Variants in PIK3C2G observed in about 807,000 individuals in gnomAD.
The protein encoded by PIK3C2G is phosphatidylinositol-4-phosphate 3-kinase catalytic subunit type 2 gamma.
PIK3C2G carries 168 observed loss-of-function variants against 181.1 expected under a neutral mutation model. The ratio of observed to expected loss-of-function variants is 0.93; its 90% CI spans 0.82 to 1.05. The LOEUF (loss-of-function observed/expected upper bound fraction) is 1.05, where lower values mean the gene tolerates loss of function less well. Ranked by LOEUF, PIK3C2G falls within the 50% of genes least tolerant of loss-of-function variation. The pLI, the probability that PIK3C2G is intolerant of heterozygous loss-of-function variation, is 0.00. For synonymous variants in PIK3C2G, 573 were observed against 592.2 expected (o/e 0.97, Z 0.47); for missense variants, 1,869 against 1,732.8 (o/e 1.08, Z -1.40).
At chr12:18,527,988 GACTA>G (rs1039015139) in intron 24 of PIK3C2G, among the ~76,000 whole-genome samples, 1 of 152,080 alleles carries the variant, frequency 6.6e-6, no homozygotes, top group African/African-American at 2.4e-5. Context: ...ACACTTAAAA[GACTA>G]ACTAAGGCTG....
intron 5 of PIK3C2G, among the ~76,000 whole-genome samples, chr12:18,294,825 T>C (rs1485794887): frequency 6.6e-6 from 1 of 151,952 alleles, no homozygotes; most frequent in Non-Finnish European, 1.5e-5. Context: ...TATCTAAAGA[T>C]TGAAAACATC....
chr12:18,316,884 A>G (rs960966371), intron 6 of PIK3C2G, among the ~76,000 whole-genome samples: 1 of 152,170 alleles, frequency 6.6e-6, no homozygotes, highest in South Asian at 2.1e-4. Context: ...AGCAATAGCA[A>G]TAAGATCTCA....
At chr12:18,403,494 C>T (rs1944364730) in intron 16 of PIK3C2G, among the ~76,000 whole-genome samples, 1 of 152,090 alleles carries the variant, frequency 6.6e-6, no homozygotes, top group Admixed American at 6.6e-5. Context: ...ACAGTATGTG[C>T]TTATTAAGTG....
At chr12:18,599,389 A>G (rs1461222076) in intron 30 of PIK3C2G, among the ~76,000 whole-genome samples, 5 of 152,002 alleles carry the variant, frequency 3.3e-5, no homozygotes, top group Admixed American at 3.3e-4. Context: ...TCAGTAAACT[A>G]TCGCAAGAGC....
rs887880357 is a variant in PIK3C2G, at chr12:18,346,572, G to A, written c.1430-69G>A. 7 of 840,340 alleles carry A rather than the reference G, an allele frequency of 8.3e-6. No homozygotes were observed. In the African/African-American group the frequency reaches 8.6e-5, roughly 10 times the overall value. The allele number at this position is 840,340 out of a possible 1,614,324, so 52.1% of individuals were successfully genotyped here. A position where few individuals can be genotyped will look rare whatever the true frequency, so the allele number is the denominator to read the frequency against. ...AAATTGTATTATATGACATTTCAAA[G>A]CTGTAATTGATGGCCTATGATAAAT... On this transcript the variant is annotated intron_variant, in intron 10 of 32. Transcript: ENST00000538779.
the PIK3C2G span, chr12:18,683,740 G>A: frequency 1.4e-6 from 1 of 726,706 alleles, no homozygotes; most frequent in African/African-American, 1.8e-5. Context: ...AAAGGGGTCA[G>A]GAAAGGATAG....
chr12:18,547,179 A>G (rs1265289690), intron 26 of PIK3C2G, among the ~76,000 whole-genome samples: 2 of 152,004 alleles, frequency 1.3e-5, no homozygotes, highest in South Asian at 2.1e-4. Context: ...ATAAACAGAG[A>G]TTATATTCTT....
At chr12:18,651,702 A>G (rs922379309), downstream of PIK3C2G, among the ~76,000 whole-genome samples, 2 of 152,146 alleles carry the variant, frequency 1.3e-5, no homozygotes, top group Non-Finnish European at 2.9e-5. Flanking sequence ...CTCTAGATCC[A>G]TTCATCTGAA....
At chr12:18,596,116 A>G (rs1008611073) in intron 30 of PIK3C2G, among the ~76,000 whole-genome samples, 6 of 152,108 alleles carry the variant, frequency 3.9e-5, no homozygotes, top group African/African-American at 1.4e-4. Context: ...AAGAACAACT[A>G]TGAAGGACAC....
chr12:18,249,681 A>G (rs1034291267), intron 1 of PIK3C2G, among the ~76,000 whole-genome samples: 2 of 152,150 alleles, frequency 1.3e-5, no homozygotes, highest in Admixed American at 6.5e-5. Flanking sequence ...GTTGTATGAT[A>G]CCATTAATAT....
intron 24 of PIK3C2G, among the ~76,000 whole-genome samples, chr12:18,514,752 G>T (rs1942426773): frequency 6.6e-6 from 1 of 151,760 alleles, no homozygotes; most frequent in African/African-American, 2.4e-5. Context: ...TTGCCAAATT[G>T]CTCTGAGTAG....
the PIK3C2G span, among the ~76,000 whole-genome samples, chr12:18,726,464 T>G: frequency 6.6e-6 from 1 of 152,144 alleles, no homozygotes; most frequent in Admixed American, 6.6e-5. Flanking sequence ...AGGTAGACAT[T>G]TTATTCTTTT....
intron 16 of PIK3C2G, among the ~76,000 whole-genome samples, chr12:18,401,229 A>C (rs1020074283): frequency 6.6e-6 from 1 of 152,114 alleles, no homozygotes; most frequent in African/African-American, 2.4e-5. Context: ...GTTTAACTTT[A>C]AATTATAAGC....
chr12:18,396,582 T>C (rs867081746), intron 15 of PIK3C2G, among the ~76,000 whole-genome samples: 1 of 151,664 alleles, frequency 6.6e-6, no homozygotes, highest in Middle Eastern at 3.2e-3. Context: ...TTACATAGCA[T>C]GATTATGTAA....
At chr12:18,530,175 GA>G (rs1943472360) in intron 24 of PIK3C2G, among the ~76,000 whole-genome samples, 1 of 152,032 alleles carries the variant, frequency 6.6e-6, no homozygotes, top group Non-Finnish European at 1.5e-5. Flanking sequence ...ACTTTCTTGA[GA>G]AAAATAAAAT....
At chr12:18,466,758 G>A (rs1279571189) in intron 18 of PIK3C2G, among the ~76,000 whole-genome samples, 1 of 151,888 alleles carries the variant, frequency 6.6e-6, no homozygotes, top group Non-Finnish European at 1.5e-5. Flanking sequence ...CTTTACTTTA[G>A]CACAAACAGG....
At chr12:18,431,844 T>A (rs73068519) in intron 18 of PIK3C2G, among the ~76,000 whole-genome samples, 61 of 152,344 alleles carry the variant, frequency 4.0e-4, no homozygotes, top group Admixed American at 1.2e-3. Context: ...TAATCATCTT[T>A]CCACTTTGTT....
intron 1 of PIK3C2G, among the ~76,000 whole-genome samples, chr12:18,280,258 A>G (rs927658073): frequency 1.3e-5 from 2 of 152,014 alleles, no homozygotes; most frequent in African/African-American, 4.8e-5. Context: ...AGTAAGAAAA[A>G]CCAATAACAA....
intron 5 of PIK3C2G, among the ~76,000 whole-genome samples, chr12:18,296,515 A>G (rs1307136137): frequency 1.3e-5 from 2 of 152,154 alleles, no homozygotes; most frequent in African/African-American, 4.8e-5. Flanking sequence ...AGTACGTGGT[A>G]TAAAAACTAG....
Sources: gnomAD v4.1 joint callset for allele counts (sites outside exome capture counted in the v4.1 genomes callset) on GRCh38, gnomAD v4.1.1 for gene constraint, MANE v1.5 for transcripts, NCBI Gene and HGNC (gene_info 2026-07-23, HGNC 2026-07-21) for gene names.